Variants in RBM6 observed in about 807,000 individuals in gnomAD.
The protein encoded by RBM6 is RNA binding motif protein 6.
A neutral mutation model predicts 140.4 loss-of-function variants in RBM6; 23 were observed. The ratio of observed to expected loss-of-function variants is 0.16; its 90% confidence interval spans 0.12 to 0.23. The LOEUF (loss-of-function observed/expected upper bound fraction) is 0.23. RBM6 is among the 10% of genes least tolerant of loss of function. RBM6 has a pLI of 1.00. For synonymous variants in RBM6, 439 were observed against 475.6 expected (o/e 0.92, Z 1.00); for missense variants, 1,139 against 1,386.7 (o/e 0.82, Z 2.84).
intron 6 of RBM6, among the ~76,000 whole-genome samples, chr3:50,032,273 G>GGCCA (rs1222898243): frequency 6.6e-6 from 1 of 151,238 alleles, no homozygotes; most frequent in Non-Finnish European, 1.5e-5. Flanking sequence ...ATGAGATCAA[G>GGCCA]AGATGGAGAC....
intron 2 of RBM6, among the ~76,000 whole-genome samples, chr3:49,966,687 A>G (rs967388292): frequency 2.0e-5 from 3 of 152,206 alleles, no homozygotes; most frequent in Non-Finnish European, 2.9e-5. Context: ...CTCTAGGTCT[A>G]TCTCAGCATT....
chr3:49,993,703 T>TA (rs578238560), intron 5 of RBM6, among the ~76,000 whole-genome samples: 21,063 of 146,704 alleles, frequency 0.14, 1,726 homozygotes, highest in Non-Finnish European at 0.2. Context: ...CATTTTTCTT[T>TA]AAAAAAAAAA....
At chr3:49,954,149 A>AAAT (rs2083864539) in intron 1 of RBM6, among the ~76,000 whole-genome samples, 1 of 151,706 alleles carries the variant, frequency 6.6e-6, no homozygotes, top group Non-Finnish European at 1.5e-5. Flanking sequence ...AAAAAAAAAA[A>AAAT]AATTTATAGG....
At chr3:49,955,886 A>ATG (rs1559520997) in intron 1 of RBM6, among the ~76,000 whole-genome samples, 6 of 147,762 alleles carry the variant, frequency 4.1e-5, no homozygotes, top group Admixed American at 6.8e-5. Flanking sequence ...GTGTGTGTGT[A>ATG]TATGTATATA....
In RBM6 at chr3:50,058,389, A is replaced by G. The variant is rs373463342; in HGVS notation, c.1970-13A>G. ...CCCTTGTGTTGCCCTTCTCCCATTT[A>G]TGGTTGATTCAGCTATCATGCTAAA... On this transcript the variant is annotated splice_polypyrimidine_tract_variant and intron_variant, in intron 9 of 20. Transcript: ENST00000266022. The G allele has an allele frequency of 1.0e-5, 16 of 1,601,318 alleles. No individual in the cohort carries two copies. Among genetic ancestry groups the G allele is most frequent in the Middle Eastern group, 1.7e-4 (1 of 6,058 alleles).
chr3:49,971,413 C>G (rs559949253), intron 3 of RBM6, among the ~76,000 whole-genome samples: 12 of 151,426 alleles, frequency 7.9e-5, no homozygotes, highest in Admixed American at 2.6e-4. Context: ...CCACTGCACT[C>G]CAGCCTGGGC....
chr3:49,959,095 A>T (rs2084156340), intron 1 of RBM6, among the ~76,000 whole-genome samples: 2 of 150,096 alleles, frequency 1.3e-5, no homozygotes, highest in South Asian at 4.2e-4. Context: ...GCCCGGACTG[A>T]AGAATTCCCT....
At chr3:49,979,593 C>T (rs953286987) in intron 5 of RBM6, among the ~76,000 whole-genome samples, 9 of 151,944 alleles carry the variant, frequency 5.9e-5, no homozygotes, top group Non-Finnish European at 1.2e-4. Context: ...GTGTGTGCCA[C>T]CACACCTGGC....
chr3:50,031,555 G>T (rs910421213), intron 6 of RBM6, among the ~76,000 whole-genome samples: 1 of 151,702 alleles, frequency 6.6e-6, no homozygotes, highest in African/African-American at 2.4e-5. Context: ...CACAGAGCGG[G>T]GAACATCACA....
At chr3:49,955,104 C>T (rs1375226813) in intron 1 of RBM6, among the ~76,000 whole-genome samples, 2 of 145,816 alleles carry the variant, frequency 1.4e-5, no homozygotes, top group Non-Finnish European at 3.0e-5. Flanking sequence ...TATCCTGTAT[C>T]AATTAACATA....
intron 5 of RBM6, among the ~76,000 whole-genome samples, chr3:49,987,472 C>G (rs757765943): frequency 7.9e-5 from 12 of 151,666 alleles, no homozygotes; most frequent in Non-Finnish European, 1.3e-4. Flanking sequence ...CCCGCCACTA[C>G]GCCCAGCTAA....
intron 6 of RBM6, among the ~76,000 whole-genome samples, chr3:50,021,196 A>G (rs1038483750): frequency 2.6e-5 from 4 of 152,146 alleles, no homozygotes; most frequent in Admixed American, 6.5e-5. Context: ...TGTTGATTAG[A>G]TTGCTGCTGT....
chr3:49,968,376 A>ACT lies in RBM6; in HGVS notation c.952_953insTC (p.His318LeufsTer6), dbSNP rs1432347106. 3.1e-6 allele frequency: 5 copies of ACT among 1,614,246 alleles called. No homozygotes were observed. The South Asian group carries it at 4.4e-5, about 14-fold the overall frequency. On this transcript the variant is annotated frameshift_variant, in exon 3 of 21. Coordinates refer to ENST00000266022, the MANE Select transcript of RBM6 (RefSeq NM_005777.3). LOFTEE classifies it high-confidence loss of function. ...ATGTGAACAGGAGAGAAGAATCCAC[A>ACT]CATGACCATACGATAGAAAGGCCTG... is the stretch of plus-strand genomic sequence containing the variant.
chr3:50,075,859 C>A (rs1050463202), intron 20 of RBM6, among the ~76,000 whole-genome samples: 1 of 152,148 alleles, frequency 6.6e-6, no homozygotes, highest in Admixed American at 6.6e-5. Context: ...TGGCTTATTT[C>A]TCTCCTACCG....
chr3:49,955,860 C>CTCTCTGTG (rs1553637396), intron 1 of RBM6, among the ~76,000 whole-genome samples: 1,908 of 145,510 alleles, frequency 0.013, 12 homozygotes, highest in Middle Eastern at 0.024. Context: ...CTCTCTCTCT[C>CTCTCTGTG]TGTGTGTGTG....
At chr3:49,952,502 G>GT (rs36056766) in intron 1 of RBM6, among the ~76,000 whole-genome samples, 199 of 138,694 alleles carry the variant, frequency 1.4e-3, no homozygotes, top group East Asian at 2.8e-3. Flanking sequence ...CTTATCCTTT[G>GT]TTTTTTTTTT....
At chr3:50,047,174 A>G in intron 6 of RBM6, 1 of 984,826 alleles carries the variant, frequency 1.0e-6, no homozygotes, top group Middle Eastern at 5.2e-4. Context: ...GTAAAGCATT[A>G]TTTGACAGAT....
intron 15 of RBM6, among the ~76,000 whole-genome samples, chr3:50,064,810 C>T (rs2090061577): frequency 6.6e-6 from 1 of 152,148 alleles, no homozygotes; most frequent in Non-Finnish European, 1.5e-5. Flanking sequence ...CTAACTGGGA[C>T]TACAGGTGCC....
At chr3:49,956,758 T>G (rs756392147) in intron 1 of RBM6, among the ~76,000 whole-genome samples, 1 of 152,140 alleles carries the variant, frequency 6.6e-6, no homozygotes. Context: ...CTCCGCCTCC[T>G]GGGTTCAAGT....
Sources: allele counts gnomAD v4.1 joint callset (sites outside exome capture counted in the v4.1 genomes callset), GRCh38; gene constraint gnomAD v4.1.1; transcripts MANE v1.5; gene names NCBI Gene and HGNC (gene_info 2026-07-23, HGNC 2026-07-21).